NUBPL: variants seen among roughly 807,000 people sequenced by gnomAD.
The protein encoded by NUBPL is NUBP iron-sulfur cluster assembly factor, mitochondrial.
NUBPL carries 31 observed loss-of-function variants against 45.7 expected under a neutral mutation model. The ratio of observed to expected loss-of-function variants is 0.68; its 90% CI spans 0.51 to 0.92. The LOEUF is 0.92. Among genes scored for constraint, NUBPL ranks in the 40% least tolerant of loss-of-function variants. The pLI, the probability that NUBPL is intolerant of heterozygous loss-of-function variation, is 0.00. For missense variants in NUBPL, 401 were observed against 398.7 expected, an observed-to-expected ratio of 1.01 and a Z score of -0.05; for synonymous variants, 144 against 140.9, an observed-to-expected ratio of 1.02 and a Z score of -0.15.
intron 6 of NUBPL, among the ~76,000 whole-genome samples, chr14:31,737,920 A>G (rs142454532): frequency 0.023 from 3,489 of 152,120 alleles, 60 homozygotes; most frequent in Non-Finnish European, 0.035. Context: ...TTTTTGTTTT[A>G]TTTATTCTTT....
At chr14:31,740,401 A>C (rs967552329) in intron 6 of NUBPL, among the ~76,000 whole-genome samples, 1 of 152,200 alleles carries the variant, frequency 6.6e-6, no homozygotes, top group Admixed American at 6.5e-5. Context: ...CCATGATGAC[A>C]TATAATATGA....
rs530727368 is a variant in NUBPL, at chr14:31,678,516, C to T, written c.513+4942C>T. 1.2e-4 allele frequency among the ~76,000 whole-genome samples: 18 copies of T among 152,332 alleles called. 1 individual carries two copies. The highest frequency in any genetic ancestry group is 3.4e-4 in the African/African-American group (14 of 41,574). ...GCCCTTTATTCAGCAGGTGTTGGTC[C>T]TGCCATGACTGGATCCTTCTCTTCA... On this transcript the variant is annotated intron_variant, in intron 6 of 10. Coordinates refer to ENST00000281081, the MANE Select transcript of NUBPL (RefSeq NM_025152.3).
At chr14:31,581,682 C>T (rs7149572) in intron 3 of NUBPL, among the ~76,000 whole-genome samples, 46,535 of 152,052 alleles carry the variant, frequency 0.31, 7,751 homozygotes, top group South Asian at 0.4. Flanking sequence ...TTCTCCTTTA[C>T]ACATGTTAAA....
intron 3 of NUBPL, among the ~76,000 whole-genome samples, chr14:31,569,567 C>G (rs1419229344): frequency 1.3e-5 from 2 of 152,122 alleles, no homozygotes; most frequent in African/African-American, 2.4e-5. Flanking sequence ...GCCTTTTATA[C>G]TTTCCTTTGA....
chr14:31,643,468 T>C (rs1460765570), intron 4 of NUBPL, among the ~76,000 whole-genome samples: 2 of 152,202 alleles, frequency 1.3e-5, no homozygotes, highest in Non-Finnish European at 2.9e-5. Context: ...TTTCCGAATG[T>C]TGAACCATTC....
At chr14:31,658,324 T>C (rs2036189478) in intron 4 of NUBPL, among the ~76,000 whole-genome samples, 1 of 152,176 alleles carries the variant, frequency 6.6e-6, no homozygotes, top group Middle Eastern at 3.2e-3. Flanking sequence ...CTTTTTAACT[T>C]TGGGCAGGTT....
intron 6 of NUBPL, among the ~76,000 whole-genome samples, chr14:31,784,272 GT>G (rs1298727897): frequency 6.6e-6 from 1 of 152,054 alleles, no homozygotes; most frequent in Non-Finnish European, 1.5e-5. Context: ...CCTATGGCTT[GT>G]TTTCTTTACA....
intron 4 of NUBPL, among the ~76,000 whole-genome samples, chr14:31,653,378 C>T (rs1397669064): frequency 2.0e-5 from 3 of 152,118 alleles, no homozygotes; most frequent in Non-Finnish European, 4.4e-5. Context: ...CAGACACTCC[C>T]AGAGCAGCCG....
In NUBPL at chr14:31,725,709, C is replaced by CTTTTT. The variant is rs375160082; in HGVS notation, c.513+52150_513+52154dup. On this transcript the variant is annotated intron_variant, in intron 6 of 10. Transcript: ENST00000281081. ...GATTTTGGAACATTTTAGATTTCAG[C>CTTTTT]TTTTTTTTTTTTTTTTTTTGACTTG... Among the ~76,000 whole-genome samples, 82 of 104,962 alleles carry CTTTTT rather than the reference C, an allele frequency of 7.8e-4. 4 individuals carry two copies. Among genetic ancestry groups the CTTTTT allele is most frequent in the Non-Finnish European group, 9.3e-4 (53 of 57,262 alleles). The allele number at this position is 104,962 out of a possible 152,430, so 68.9% of individuals were successfully genotyped here. A position where few individuals can be genotyped will look rare whatever the true frequency, so the allele number is the denominator to read the frequency against.
At chr14:31,714,590 C>G (rs892965461) in intron 6 of NUBPL, 1 of 152,440 alleles carries the variant, frequency 6.6e-6, no homozygotes, top group East Asian at 1.9e-4. Flanking sequence ...CCAGATCTTG[C>G]GTGAACTAAC....
At position 31,661,311 on chromosome 14, in the gene NUBPL, A is replaced by G. The variant is rs147342389; in HGVS notation, c.383-12044A>G. 9.1e-3 allele frequency among the ~76,000 whole-genome samples: 1,383 copies of G among 152,346 alleles called. 12 individuals carry two copies. Among genetic ancestry groups the G allele is most frequent in the Non-Finnish European group, 0.011 (770 of 68,034 alleles). On this transcript the variant is annotated intron_variant, in intron 4 of 10. Coordinates refer to ENST00000281081, the MANE Select transcript of NUBPL (RefSeq NM_025152.3). ...CTAATAATGGCCTCTTCAAAAAGCT[A>G]TTATTCACAGGGCAGTGGATTCCAA...
intron 3 of NUBPL, among the ~76,000 whole-genome samples, chr14:31,590,945 CT>C (rs2034125815): frequency 6.6e-6 from 1 of 151,960 alleles, no homozygotes; most frequent in African/African-American, 2.4e-5. Context: ...TGTTTTATTC[CT>C]GATTTACTTT....
intron 3 of NUBPL, among the ~76,000 whole-genome samples, chr14:31,594,426 A>G (rs1229715497): frequency 6.6e-6 from 1 of 152,210 alleles, no homozygotes; most frequent in East Asian, 1.9e-4. Context: ...ACAACCAAAA[A>G]GAAATCTGCC....
At chr14:31,639,462 C>G (rs957602627) in intron 4 of NUBPL, among the ~76,000 whole-genome samples, 2 of 152,074 alleles carry the variant, frequency 1.3e-5, no homozygotes, top group Non-Finnish European at 2.9e-5. Flanking sequence ...AGAGGAGTAC[C>G]CGGCTGTGTG....
intron 7 of NUBPL, among the ~76,000 whole-genome samples, chr14:31,804,979 A>G (rs2039657557): frequency 6.6e-6 from 1 of 152,192 alleles, no homozygotes; most frequent in Non-Finnish European, 1.5e-5. Flanking sequence ...AAAATAAACT[A>G]TCAACAGAGT....
chr14:31,800,463 A>T (rs990115371), intron 7 of NUBPL, among the ~76,000 whole-genome samples: 1 of 152,214 alleles, frequency 6.6e-6, no homozygotes, highest in African/African-American at 2.4e-5. Context: ...AACCTTAATG[A>T]AAAAGTTTGA....
At chr14:31,656,732 T>A (rs1020075795) in intron 4 of NUBPL, among the ~76,000 whole-genome samples, 3 of 152,132 alleles carry the variant, frequency 2.0e-5, no homozygotes, top group African/African-American at 7.2e-5. Flanking sequence ...ATGATAGACA[T>A]ACTAATAATA....
Position 31,850,204 on chromosome 14 carries a change from A to G in NUBPL, c.897+3A>G. Reference sequence around the variant, plus strand: ...TTTCACAGCCTGAAAGTGATGAGGTAAGTTCCATTTTTGGATACATATTTT... The same window carrying G: ...TTTCACAGCCTGAAAGTGATGAGGTGAGTTCCATTTTTGGATACATATTTT... On this transcript the variant is annotated splice_donor_region_variant and intron_variant, in intron 10 of 10. Coordinates refer to ENST00000281081, the MANE Select transcript of NUBPL (RefSeq NM_025152.3). The G allele has an allele frequency of 1.2e-6, 2 of 1,610,424 alleles. No homozygotes were observed. The highest frequency in any genetic ancestry group is 3.3e-5 in the Admixed American group (2 of 60,026).
chr14:31,666,686 G>A (rs558880027), intron 4 of NUBPL, among the ~76,000 whole-genome samples: 1 of 152,250 alleles, frequency 6.6e-6, no homozygotes, highest in South Asian at 2.1e-4. Context: ...GCAGTGGCTG[G>A]TACTGGTTTT....
Sources: gnomAD v4.1 joint callset for allele counts (sites outside exome capture counted in the v4.1 genomes callset) on GRCh38, gnomAD v4.1.1 for gene constraint, MANE v1.5 for transcripts, NCBI Gene and HGNC (gene_info 2026-07-23, HGNC 2026-07-21) for gene names.